MAP3K1: variants seen among roughly 807,000 people sequenced by gnomAD.
The protein encoded by MAP3K1 is MAP/ERK kinase kinase 1.
Under a neutral mutation model 144.2 loss-of-function variants are expected in MAP3K1, and 36 were observed. The ratio of observed to expected loss-of-function variants is 0.25; its 90% CI spans 0.19 to 0.33. The LOEUF (loss-of-function observed/expected upper bound fraction) is 0.33, where lower values mean the gene tolerates loss of function less well. Ranked by LOEUF, MAP3K1 falls within the 10% of genes least tolerant of loss-of-function variation. The probability of loss-of-function intolerance (pLI) is 1.00; values close to 1 mark genes in which losing one functional copy is unlikely to be tolerated. For synonymous variants in MAP3K1, 718 were observed against 688.7 expected (o/e 1.04, Z -0.67); for missense variants, 1,650 against 1,881.9 (o/e 0.88, Z 2.28).
chr5:56,854,457 A>G (rs1447520103), intron 1 of MAP3K1, among the ~76,000 whole-genome samples: 2 of 150,776 alleles, frequency 1.3e-5, no homozygotes, highest in African/African-American at 4.9e-5. Context: ...AAAAGAAAGA[A>G]AAAAGAAAAA....
In MAP3K1 at chr5:56,891,807, C is replaced by G. The variant is rs527279484; in HGVS notation, c.4390-1724C>G. The stretch of plus-strand genomic sequence containing the variant: ...TAAATAGGGAATCATTTCCCCATTT[C>G]TTGTTTTTGTCAGGTTTGTCAAAGA... On this transcript the variant is annotated intron_variant, in intron 19 of 19. Coordinates refer to ENST00000399503, the MANE Select transcript of MAP3K1 (RefSeq NM_005921.2). Among the ~76,000 whole-genome samples the G allele has an allele frequency of 3.1e-3, 466 of 152,272 alleles. 3 individuals are homozygous for G. The highest frequency in any genetic ancestry group is 5.0e-3 in the Non-Finnish European group (339 of 68,016).
At chr5:56,822,887 C>A (rs758119343) in intron 1 of MAP3K1, among the ~76,000 whole-genome samples, 1 of 152,196 alleles carries the variant, frequency 6.6e-6, no homozygotes, top group Non-Finnish European at 1.5e-5. Context: ...ACCTCCTCCT[C>A]TCACCTCGTC....
intron 19 of MAP3K1, among the ~76,000 whole-genome samples, chr5:56,892,226 T>C (rs1034585100): frequency 2.0e-5 from 3 of 152,326 alleles, no homozygotes; most frequent in Admixed American, 6.5e-5. Context: ...TGGTTTGTAG[T>C]TCTTGAAGAG....
At chr5:56,885,570 C>T (rs1748355500) in intron 16 of MAP3K1, among the ~76,000 whole-genome samples, 1 of 152,304 alleles carries the variant, frequency 6.6e-6, no homozygotes, top group African/African-American at 2.4e-5. Flanking sequence ...TTCTTTCCAC[C>T]TTTTACTACA....
intron 1 of MAP3K1, among the ~76,000 whole-genome samples, chr5:56,849,502 T>C (rs73135050): frequency 2.0e-5 from 3 of 152,288 alleles, no homozygotes; most frequent in East Asian, 3.9e-4. Flanking sequence ...CTTTACTGAA[T>C]AAAATCTGGA....
In MAP3K1 at chr5:56,895,354, C is replaced by A. The variant is rs1291584018; in HGVS notation, c.*1674C>A. The A allele has an allele frequency of 1.8e-5, 3 of 164,572 alleles. No individual in the cohort carries two copies. The highest frequency in any genetic ancestry group is 3.8e-5 in the Non-Finnish European group (3 of 79,392). 10.2% of individuals were successfully genotyped at this position (164,572 alleles called of 1,614,324 possible). A position where few individuals can be genotyped will look rare whatever the true frequency, so the allele number is the denominator to read the frequency against. On this transcript the variant is annotated 3_prime_UTR_variant, in exon 20 of 20. Coordinates refer to ENST00000399503, the MANE Select transcript of MAP3K1 (RefSeq NM_005921.2). Reference sequence around the variant, plus strand: ...CTCTAAATGTGTTGTACTTGACTTTCTTTTTTATTTTGTTTTTTTTTTTTT... The same window carrying A: ...CTCTAAATGTGTTGTACTTGACTTTATTTTTTATTTTGTTTTTTTTTTTTT...
At chr5:56,866,479 GTA>G in intron 6 of MAP3K1, among the ~76,000 whole-genome samples, 1 of 152,264 alleles carries the variant, frequency 6.6e-6, no homozygotes, top group Middle Eastern at 3.4e-3. Context: ...GTGTGTGTGT[GTA>G]TATAGACGTT....
At position 56,815,742 on chromosome 5, in the gene MAP3K1, T is replaced by TGGC. The variant is rs746070735; in HGVS notation, c.179_181dup (p.Arg60dup). 2.4e-5 allele frequency: 33 copies of TGGC among 1,357,368 alleles called. 1 individual carries two copies. The South Asian group carries it at 3.5e-4, about 14-fold the overall frequency. 84.1% of individuals were successfully genotyped at this position (1,357,368 alleles called of 1,614,324 possible). A position where few individuals can be genotyped will look rare whatever the true frequency, so the allele number is the denominator to read the frequency against. On this transcript the variant is annotated inframe_insertion, in exon 1 of 20. Coordinates refer to ENST00000399503, the MANE Select transcript of MAP3K1 (RefSeq NM_005921.2). ...CAGCGGGGGCCGCGAGCGGGCGGACTGGCGGCGGCGGCAGCTGCGCAAAGT... is the reference window on the plus strand; with the variant it reads ...CAGCGGGGGCCGCGAGCGGGCGGACTGGCGGCGGCGGCGGCAGCTGCGCAAAGT...
rs577821425 is a variant in MAP3K1, at chr5:56,821,617, G to A, written c.482+5562G>A. On this transcript the variant is annotated intron_variant, in intron 1 of 19. Coordinates refer to ENST00000399503, the MANE Select transcript of MAP3K1 (RefSeq NM_005921.2). ...TCACTATGTTGCCCAGGCTGGAATC[G>A]AACTCCTGGGCTCAGGTGATCTTTC... Among the ~76,000 whole-genome samples, 10 of 151,726 alleles carry A rather than the reference G, an allele frequency of 6.6e-5. No homozygotes were observed. The East Asian group carries it at 1.6e-3, about 24-fold the overall frequency.
At chr5:56,840,110 T>A (rs1351293280) in intron 1 of MAP3K1, among the ~76,000 whole-genome samples, 1 of 152,170 alleles carries the variant, frequency 6.6e-6, no homozygotes, top group African/African-American at 2.4e-5. Flanking sequence ...GCCATTGACA[T>A]CTACTCATGT....
intron 6 of MAP3K1, among the ~76,000 whole-genome samples, chr5:56,870,086 T>TA (rs1747804731): frequency 6.6e-6 from 1 of 152,174 alleles, no homozygotes; most frequent in South Asian, 2.1e-4. Context: ...GAAAAGTAGT[T>TA]ACTGTTTTTG....
intron 19 of MAP3K1, among the ~76,000 whole-genome samples, chr5:56,892,064 G>A (rs1401250616): frequency 1.3e-5 from 2 of 152,126 alleles, no homozygotes; most frequent in Non-Finnish European, 1.5e-5. Flanking sequence ...TTCCAATTCT[G>A]TGAAGAAAGT....
intron 1 of MAP3K1, among the ~76,000 whole-genome samples, chr5:56,843,953 A>G (rs1746896782): frequency 6.6e-6 from 1 of 152,152 alleles, no homozygotes; most frequent in South Asian, 2.1e-4. Flanking sequence ...GTATGTTCCA[A>G]GGAACACTGC....
rs1747450459 is a variant in MAP3K1, at chr5:56,859,819, A to G, written c.738A>G (p.Lys246=). The change falls in exon 3 of 20, where the codon AAA becomes AAG. Residue 246 remains lysine, a synonymous_variant. Transcript: ENST00000399503. ...CAAGTGCGGCTTCACCAGCTTCCAAAGGCCGACGCAGTCCTTCTCCTGGCA... is the reference window on the plus strand; with the variant it reads ...CAAGTGCGGCTTCACCAGCTTCCAAGGGCCGACGCAGTCCTTCTCCTGGCA... ...VQASAASPAS[K]GRRSPSPGNS... is the part of the protein sequence containing the mutation. 1 of 1,613,890 alleles carries G rather than the reference A, an allele frequency of 6.2e-7. No individual in the cohort carries two copies. The highest frequency in any genetic ancestry group is 1.3e-5 in the African/African-American group (1 of 74,926).
chr5:56,864,775 A>C lies in MAP3K1; in HGVS notation c.876A>C (p.Ser292=). 1 of 1,614,132 alleles carries C rather than the reference A, an allele frequency of 6.2e-7. No homozygotes were observed. The highest frequency in any genetic ancestry group is 8.5e-7 in the Non-Finnish European group (1 of 1,180,012). Residue 292 remains serine, a synonymous_variant, in exon 4 of 20, where the codon TCA becomes TCC. Coordinates refer to ENST00000399503, the MANE Select transcript of MAP3K1 (RefSeq NM_005921.2). ...GRITPPRRAP[S]PDGFSPYSPE... ...TCACACCACCCCGAAGAGCCCCTTCACCAGATGGCTTCTCACCATATAGCC... is the reference window on the plus strand; with the variant it reads ...TCACACCACCCCGAAGAGCCCCTTCCCCAGATGGCTTCTCACCATATAGCC...
intron 1 of MAP3K1, among the ~76,000 whole-genome samples, chr5:56,816,583 G>A (rs1254265952): frequency 1.3e-5 from 2 of 152,126 alleles, no homozygotes; most frequent in African/African-American, 2.4e-5. Flanking sequence ...GGCCGTGACA[G>A]GCAGAGCCCC....
At chr5:56,833,476 A>G (rs535344553) in intron 1 of MAP3K1, among the ~76,000 whole-genome samples, 2 of 152,232 alleles carry the variant, frequency 1.3e-5, no homozygotes, top group South Asian at 4.2e-4. Context: ...GGGAGAGTGA[A>G]CACTCATGAC....
At chr5:56,816,129 A>G (rs931548410) in intron 1 of MAP3K1, 74 bp downstream of exon 1, 50 of 1,158,848 alleles carry the variant, frequency 4.3e-5, no homozygotes, top group Middle Eastern at 6.9e-4. Flanking sequence ...CCCGGGCACC[A>G]TGCACGGCGT....
chr5:56,844,479 T>C (rs1005034455), intron 1 of MAP3K1, among the ~76,000 whole-genome samples: 13 of 152,070 alleles, frequency 8.5e-5, no homozygotes, highest in Non-Finnish European at 1.5e-5. Context: ...GTGCCCGGCC[T>C]AGGATATTAT....
Sources: gnomAD v4.1 joint callset for allele counts (sites outside exome capture counted in the v4.1 genomes callset) on GRCh38, gnomAD v4.1.1 for gene constraint, MANE v1.5 for transcripts, NCBI Gene and HGNC (gene_info 2026-07-23, HGNC 2026-07-21) for gene names.